Variants in FER1L6 observed in about 807,000 individuals in gnomAD.
The protein encoded by FER1L6 is fer-1-like protein 6.
Under a neutral mutation model 219.2 loss-of-function variants are expected in FER1L6, and 177 were observed. The ratio of observed to expected loss-of-function variants is 0.81; its 90% CI spans 0.71 to 0.91. FER1L6 has a LOEUF of 0.91. Among genes scored for constraint, FER1L6 ranks in the 40% least tolerant of loss-of-function variants. The pLI is 0.00. For synonymous variants in FER1L6, 768 were observed against 824.3 expected, an observed-to-expected ratio of 0.93 and a Z score of 1.17; for missense variants, 2,153 against 2,259.9, an observed-to-expected ratio of 0.95 and a Z score of 0.96.
chr8:123,892,467 A>G (rs973718256), intron 1 of FER1L6, among the ~76,000 whole-genome samples: 1 of 151,940 alleles, frequency 6.6e-6, no homozygotes, highest in Non-Finnish European at 1.5e-5. Context: ...AATTTTTTGT[A>G]TTTTTAGTAG....
At chr8:123,856,286 G>A (rs1410531389) in intron 1 of FER1L6, among the ~76,000 whole-genome samples, 2 of 84,412 alleles carry the variant, frequency 2.4e-5, no homozygotes, top group African/African-American at 8.9e-5. Flanking sequence ...GTATATATGT[G>A]TGTGTGTATA....
intron 1 of FER1L6, among the ~76,000 whole-genome samples, chr8:123,890,499 T>C (rs1482003249): frequency 1.3e-5 from 2 of 151,862 alleles, no homozygotes; most frequent in Non-Finnish European, 2.9e-5. Flanking sequence ...TTTGGCTCTA[T>C]GAATAATCAT....
chr8:123,966,516 T>C (rs1586528602), intron 5 of FER1L6, among the ~76,000 whole-genome samples: 1 of 152,256 alleles, frequency 6.6e-6, no homozygotes, highest in East Asian at 1.9e-4. Flanking sequence ...TTAAATTCAC[T>C]GCTACGTTTT....
chr8:124,064,295 G>T, intron 25 of FER1L6, 52 bp from the exon 26 acceptor site: 2 of 1,469,434 alleles, frequency 1.4e-6, no homozygotes, highest in South Asian at 2.3e-5. Context: ...TCCCTGAAAC[G>T]ACCACCCTGT....
At position 123,898,746 on chromosome 8, in the gene FER1L6, A is replaced by T. The variant is rs144466231; in HGVS notation, c.-8+46561A>T. 1.5e-3 allele frequency among the ~76,000 whole-genome samples: 203 copies of T among 138,158 alleles called. 1 individual carries two copies. The highest frequency in any genetic ancestry group is 5.3e-3 in the African/African-American group (202 of 38,342). 90.6% of individuals were successfully genotyped at this position (138,158 alleles called of 152,430 possible). ...GTGTATATATAGTATATATACATAT[A>T]TACTATATATACACATATATATGTG... On this transcript the variant is annotated intron_variant, in intron 1 of 40. Transcript: ENST00000522917.
chr8:124,057,394 T>C (rs1273019789), intron 22 of FER1L6, among the ~76,000 whole-genome samples: 2 of 152,224 alleles, frequency 1.3e-5, no homozygotes, highest in Non-Finnish European at 2.9e-5. Context: ...TTTTAAGGTA[T>C]TTTTCTTTAT....
Position 123,970,039 on chromosome 8 carries a change from T to A in FER1L6, c.389T>A (p.Phe130Tyr). 6.2e-7 allele frequency: 1 copy of A among 1,614,034 alleles called. No homozygotes were observed. The highest frequency in any genetic ancestry group is 8.5e-7 in the Non-Finnish European group (1 of 1,179,908). ...GTNSPFYNEY[F>Y]VFDFIGPQVH... ...AATGAACTTTTTGTTTTGCAGTACTTTGTCTTCGACTTCATTGGGCCCCAA... is the reference window on the plus strand; with the variant it reads ...AATGAACTTTTTGTTTTGCAGTACTATGTCTTCGACTTCATTGGGCCCCAA... Residue 130 changes from phenylalanine (F) to tyrosine (Y), a missense_variant, in exon 6 of 41, where the codon TTT (phenylalanine) becomes TAT (tyrosine). Transcript: ENST00000522917.
intron 34 of FER1L6, among the ~76,000 whole-genome samples, chr8:124,094,416 A>C (rs1444296708): frequency 6.6e-6 from 1 of 151,094 alleles, no homozygotes; most frequent in African/African-American, 2.4e-5. Flanking sequence ...CTTCCCTTCT[A>C]TCTCTCCACC....
In FER1L6 at chr8:124,045,914, C is replaced by T. The variant is rs757323289; in HGVS notation, c.2724+13C>T. ...CAGCGACGCTGTGGTGAGTGTCCCC[C>T]TGGGCCAGTGCTGACCACACCTCAT... On this transcript the variant is annotated intron_variant, in intron 21 of 40. Transcript: ENST00000522917. The T allele has an allele frequency of 1.9e-5, 30 of 1,613,390 alleles. No homozygotes were observed. The highest frequency in any genetic ancestry group is 2.5e-5 in the Non-Finnish European group (30 of 1,179,884).
chr8:123,982,933 T>C (rs1363959636), intron 11 of FER1L6, among the ~76,000 whole-genome samples: 1 of 152,220 alleles, frequency 6.6e-6, no homozygotes, highest in Admixed American at 6.5e-5. Context: ...AGACTGAAAC[T>C]GTCTTTCATG....
At chr8:123,947,053 G>A (rs1422703411) in intron 1 of FER1L6, among the ~76,000 whole-genome samples, 3 of 152,110 alleles carry the variant, frequency 2.0e-5, no homozygotes, top group African/African-American at 4.8e-5. Context: ...TAGGGAGGCC[G>A]AGGAGGGCAG....
chr8:123,958,596 G>T (rs1298559698), intron 2 of FER1L6, among the ~76,000 whole-genome samples: 1 of 152,060 alleles, frequency 6.6e-6, no homozygotes, highest in African/African-American at 2.4e-5. Context: ...AAACATCTTT[G>T]TAAAACGTCC....
intron 21 of FER1L6, among the ~76,000 whole-genome samples, chr8:124,048,627 T>A (rs1819843931): frequency 6.6e-6 from 1 of 152,262 alleles, no homozygotes; most frequent in Non-Finnish European, 1.5e-5. Flanking sequence ...TTAGACATAT[T>A]GATCATCTTC....
At chr8:124,059,897 C>T (rs1050938383) in intron 22 of FER1L6, among the ~76,000 whole-genome samples, 2 of 152,108 alleles carry the variant, frequency 1.3e-5, no homozygotes, top group African/African-American at 2.4e-5. Flanking sequence ...AGACCATCTT[C>T]CGTATTTGTT....
chr8:124,116,512 C>T (rs1486184793), intron 39 of FER1L6, among the ~76,000 whole-genome samples: 1 of 151,126 alleles, frequency 6.6e-6, no homozygotes, highest in African/African-American at 2.4e-5. Context: ...CATGAAACAC[C>T]ATGCAAGTTA....
At chr8:123,898,703 ATACG>A (rs1812793821) in intron 1 of FER1L6, among the ~76,000 whole-genome samples, 4 of 146,004 alleles carry the variant, frequency 2.7e-5, no homozygotes, top group Admixed American at 1.4e-4. Flanking sequence ...ATATATGTGT[ATACG>A]TATATACGTA....
At chr8:123,960,002 G>A (rs934415125) in intron 2 of FER1L6, among the ~76,000 whole-genome samples, 7 of 152,292 alleles carry the variant, frequency 4.6e-5, no homozygotes, top group African/African-American at 1.7e-4. Flanking sequence ...ACTTGTTCAA[G>A]TCATCCAACT....
At chr8:123,870,925 C>T (rs1396050897) in intron 1 of FER1L6, among the ~76,000 whole-genome samples, 1 of 152,122 alleles carries the variant, frequency 6.6e-6, no homozygotes, top group Non-Finnish European at 1.5e-5. Flanking sequence ...AAAATGTTGA[C>T]TAAAGGCAAA....
intron 34 of FER1L6, among the ~76,000 whole-genome samples, chr8:124,092,222 CA>C (rs1377484440): frequency 6.6e-6 from 1 of 152,106 alleles, no homozygotes; most frequent in African/African-American, 2.4e-5. Context: ...TTGAAATGAT[CA>C]GTGATGATAT....
Sources: gnomAD v4.1 joint callset for allele counts (sites outside exome capture counted in the v4.1 genomes callset) on GRCh38, gnomAD v4.1.1 for gene constraint, MANE v1.5 for transcripts, NCBI Gene and HGNC (gene_info 2026-07-23, HGNC 2026-07-21) for gene names.